GREM2: variants seen among roughly 807,000 people sequenced by gnomAD.
GREM2 encodes gremlin 2, DAN family BMP antagonist.
In GREM2, 11 loss-of-function variants were observed where a neutral mutation model predicts 14.2. The observed-to-expected ratio is 0.78, with a 90% confidence interval of 0.49 to 1.28. The LOEUF is 1.28. Ranked by LOEUF, GREM2 falls within the 50% of genes most tolerant of loss-of-function variation. The pLI, the probability that GREM2 is intolerant of heterozygous loss-of-function variation, is 0.00. For missense variants in GREM2, 210 were observed against 218.5 expected, an observed-to-expected ratio of 0.96 and a Z score of 0.24; for synonymous variants, 98 against 97.6, an observed-to-expected ratio of 1.00 and a Z score of -0.02.
intron 1 of GREM2, among the ~76,000 whole-genome samples, chr1:240,509,354 C>T (rs1393782572): frequency 1.5e-5 from 2 of 136,890 alleles, no homozygotes; most frequent in Non-Finnish European, 3.1e-5. Context: ...GGAGCCAGCT[C>T]ATTTGATTTT....
chr1:240,512,809 C>T (rs1281040028), intron 1 of GREM2, among the ~76,000 whole-genome samples: 2 of 152,090 alleles, frequency 1.3e-5, no homozygotes, highest in Non-Finnish European at 2.9e-5. Context: ...AGTTATGGCC[C>T]TGATAGTAGT....
chr1:240,592,347 A>G (rs1679730771), intron 1 of GREM2, among the ~76,000 whole-genome samples: 1 of 152,192 alleles, frequency 6.6e-6, no homozygotes, highest in African/African-American at 2.4e-5. Flanking sequence ...CCATCATAAC[A>G]GTGGCCTTTT....
chr1:240,568,429 C>T (rs997540594), intron 1 of GREM2, among the ~76,000 whole-genome samples: 12 of 151,718 alleles, frequency 7.9e-5, no homozygotes, highest in Admixed American at 6.6e-4. Context: ...AACAAAGAAG[C>T]GACTGGAAAA....
intron 1 of GREM2, among the ~76,000 whole-genome samples, chr1:240,534,719 A>G (rs1355264588): frequency 6.6e-6 from 1 of 151,526 alleles, no homozygotes; most frequent in East Asian, 1.9e-4. Context: ...AAAAAATGCA[A>G]TACTATGGAA....
At chr1:240,575,583 C>G (rs1572406060) in intron 1 of GREM2, among the ~76,000 whole-genome samples, 1 of 151,336 alleles carries the variant, frequency 6.6e-6, no homozygotes, top group African/African-American at 2.4e-5. Context: ...TGTGGTGGCA[C>G]GATCTTGGCT....
chr1:240,591,201 T>G (rs1333503509), intron 1 of GREM2, among the ~76,000 whole-genome samples: 1 of 152,148 alleles, frequency 6.6e-6, no homozygotes, highest in Non-Finnish European at 1.5e-5. Context: ...ACACAATTAT[T>G]TATTATTTCC....
chr1:240,606,667 T>G (rs935896275), intron 1 of GREM2, among the ~76,000 whole-genome samples: 1 of 151,652 alleles, frequency 6.6e-6, no homozygotes. Flanking sequence ...GAGTTAAGAT[T>G]GAAACAGTTC....
At chr1:240,576,502 T>G (rs1679376303) in intron 1 of GREM2, among the ~76,000 whole-genome samples, 1 of 152,220 alleles carries the variant, frequency 6.6e-6, no homozygotes, top group African/African-American at 2.4e-5. Context: ...TGGTTTGGTT[T>G]CGTTTCGTTA....
Position 240,542,391 on chromosome 1 carries a change from G to A in GREM2, c.-1-48915C>T, listed in dbSNP as rs1038340028. Among the ~76,000 whole-genome samples, 5 of 150,938 alleles carry A rather than the reference G, an allele frequency of 3.3e-5. No homozygotes were observed. The highest frequency in any genetic ancestry group is 2.0e-4 in the East Asian group (1 of 5,112). On this transcript the variant is annotated intron_variant, in intron 1 of 1. Coordinates refer to ENST00000318160, the MANE Select transcript of GREM2 (RefSeq NM_022469.4). This position sits in a 1 kb window ranked among gnomAD's most constrained non-coding sequence, Gnocchi z 4.1. ...AGGCCGAGGTGGGCAGATCACTTGC[G>A]GCCAGGAGTTCGAGACCAGCCTGGC...
At chr1:240,553,403 G>A (rs1257275135) in intron 1 of GREM2, among the ~76,000 whole-genome samples, 1 of 152,138 alleles carries the variant, frequency 6.6e-6, no homozygotes, top group Non-Finnish European at 1.5e-5. Flanking sequence ...TAAGAGTCAA[G>A]TTATACAAAT....
At chr1:240,516,503 T>C (rs1455181274) in intron 1 of GREM2, among the ~76,000 whole-genome samples, 1 of 152,196 alleles carries the variant, frequency 6.6e-6, no homozygotes, top group African/African-American at 2.4e-5. Flanking sequence ...TTTTGAATGA[T>C]ATTATTAGAA....
intron 1 of GREM2, among the ~76,000 whole-genome samples, chr1:240,605,446 C>T (rs538760361): frequency 3.3e-5 from 5 of 152,218 alleles, no homozygotes; most frequent in Non-Finnish European, 7.4e-5. Flanking sequence ...CACTGCACCA[C>T]TGCACTCCAG....
intron 1 of GREM2, among the ~76,000 whole-genome samples, chr1:240,609,218 T>G (rs368761084): frequency 6.6e-6 from 1 of 152,120 alleles, no homozygotes; most frequent in East Asian, 2.0e-4. Context: ...TCCATCCCCT[T>G]AACATCCATG....
intron 1 of GREM2, among the ~76,000 whole-genome samples, chr1:240,552,749 C>T (rs559998839): frequency 1.3e-5 from 2 of 152,298 alleles, no homozygotes; most frequent in Non-Finnish European, 2.9e-5. Context: ...TGATAATGTC[C>T]TTCTAACCGA....
intron 1 of GREM2, among the ~76,000 whole-genome samples, chr1:240,591,140 C>T (rs1222392604): frequency 2.0e-5 from 3 of 152,102 alleles, no homozygotes; most frequent in South Asian, 2.1e-4. Context: ...AGGAAATTTC[C>T]CTGTCCACCC....
intron 1 of GREM2, among the ~76,000 whole-genome samples, chr1:240,580,320 C>CA (rs1679461414): frequency 6.6e-6 from 1 of 152,128 alleles, no homozygotes; most frequent in African/African-American, 2.4e-5. Flanking sequence ...ACATGAATAA[C>CA]TGTTAGGTTT....
chr1:240,515,961 C>G (rs2103297006), intron 1 of GREM2, among the ~76,000 whole-genome samples: 1 of 152,238 alleles, frequency 6.6e-6, no homozygotes, highest in South Asian at 2.1e-4. Context: ...CTAAAGGTTT[C>G]TAGATCTCAG....
intron 1 of GREM2, among the ~76,000 whole-genome samples, chr1:240,577,274 A>G (rs1031088504): frequency 9.2e-5 from 14 of 152,194 alleles, no homozygotes; most frequent in African/African-American, 3.4e-4. Context: ...ACTTATTTCA[A>G]CAAAGAAAAA....
chr1:240,521,515 G>A (rs1020403646), intron 1 of GREM2, among the ~76,000 whole-genome samples: 2 of 152,000 alleles, frequency 1.3e-5, no homozygotes, highest in African/African-American at 2.4e-5. Flanking sequence ...AGCTTACAGT[G>A]AGCCGAGATG....
Sources: gnomAD v4.1 joint callset for allele counts (sites outside exome capture counted in the v4.1 genomes callset) on GRCh38, gnomAD v4.1.1 for gene constraint, Gnocchi (gnomAD v3.1) non-coding constraint, MANE v1.5 for transcripts, NCBI Gene and HGNC (gene_info 2026-07-23, HGNC 2026-07-21) for gene names.